Variants in ERCC6L2 observed in about 807,000 individuals in gnomAD.
ERCC6L2 encodes ERCC excision repair 6 like 2.
A neutral mutation model predicts 132.0 loss-of-function variants in ERCC6L2; 77 were observed. The ratio of observed to expected loss-of-function variants is 0.58; its 90% confidence interval spans 0.49 to 0.71. The LOEUF (loss-of-function observed/expected upper bound fraction) is 0.71. Among genes scored for constraint, ERCC6L2 ranks in the 30% least tolerant of loss-of-function variants. The probability of loss-of-function intolerance (pLI) is 0.00; values close to 1 mark genes in which losing one functional copy is unlikely to be tolerated. For missense variants in ERCC6L2, 1,542 were observed against 1,837.6 expected (o/e 0.84, Z 2.94); for synonymous variants, 583 against 632.4 (o/e 0.92, Z 1.17).
At chr9:95,952,431 A>G (rs1189453456) in intron 12 of ERCC6L2, among the ~76,000 whole-genome samples, 1 of 152,200 alleles carries the variant, frequency 6.6e-6, no homozygotes, top group Non-Finnish European at 1.5e-5. Context: ...TGGAATTCAA[A>G]AACAGTTCAA....
chr9:96,002,269 C>T (rs887711863), intron 17 of ERCC6L2, among the ~76,000 whole-genome samples: 9 of 152,210 alleles, frequency 5.9e-5, no homozygotes, highest in Admixed American at 1.3e-4. Flanking sequence ...ACTGCCAGCA[C>T]GCTGTCACCT....
chr9:95,996,526 G>GTT (rs1469666365), intron 17 of ERCC6L2, among the ~76,000 whole-genome samples: 3 of 152,232 alleles, frequency 2.0e-5, no homozygotes, highest in African/African-American at 2.4e-5. Context: ...TAGCTAGAGG[G>GTT]GAGAAGTCAA....
rs1834205954 is a variant in ERCC6L2, at chr9:96,017,454, G to A, written c.*4251G>A. Reference sequence around the variant, plus strand: ...GGCTGTGTGGTTCCCAGCCCCAAGGGTAGCAAGTCAGAACCTCCGGAGAGG... The same window carrying A: ...GGCTGTGTGGTTCCCAGCCCCAAGGATAGCAAGTCAGAACCTCCGGAGAGG... On this transcript the variant is annotated 3_prime_UTR_variant, in exon 19 of 19. Coordinates refer to ENST00000653738, the MANE Select transcript of ERCC6L2 (RefSeq NM_020207.7). Among the ~76,000 whole-genome samples the A allele has an allele frequency of 6.6e-6, 1 of 152,158 alleles. No homozygotes were observed. Among genetic ancestry groups the A allele is most frequent in the Non-Finnish European group, 1.5e-5 (1 of 68,016 alleles).
At chr9:95,987,969 C>A (rs1255835890) in intron 17 of ERCC6L2, among the ~76,000 whole-genome samples, 1 of 152,234 alleles carries the variant, frequency 6.6e-6, no homozygotes, top group Non-Finnish European at 1.5e-5. Context: ...GCTGCCAAGG[C>A]TTGGGGCTTG....
Position 95,989,814 on chromosome 9 carries a change from C to T in ERCC6L2, c.3492+11599C>T, listed in dbSNP as rs73536539. 5.1e-3 allele frequency among the ~76,000 whole-genome samples: 771 copies of T among 152,278 alleles called. 9 individuals carry two copies. The highest frequency in any genetic ancestry group is 0.017 in the African/African-American group (716 of 41,534). ...AGGTGCATACCATTTTATAATAAAGCTGCCAAATGAGAAATCAACATAATA... is the reference window on the plus strand; with the variant it reads ...AGGTGCATACCATTTTATAATAAAGTTGCCAAATGAGAAATCAACATAATA... On this transcript the variant is annotated intron_variant, in intron 17 of 18. Coordinates refer to ENST00000653738, the MANE Select transcript of ERCC6L2 (RefSeq NM_020207.7).
At chr9:96,037,394 G>C (rs1212071156) in intron 19 of ERCC6L2, among the ~76,000 whole-genome samples, 1 of 152,268 alleles carries the variant, frequency 6.6e-6, no homozygotes, top group Non-Finnish European at 1.5e-5. Flanking sequence ...GCCTGAGTCA[G>C]CAGGAAGGAG....
At chr9:95,968,735 G>C (rs1403650042) in intron 14 of ERCC6L2, 4 of 152,038 alleles carry the variant, frequency 2.6e-5, no homozygotes. Context: ...GATAGATATT[G>C]AGAGTTCATT....
intron 20 of ERCC6L2, among the ~76,000 whole-genome samples, chr9:96,039,869 G>A (rs985821247): frequency 1.3e-5 from 2 of 152,106 alleles, no homozygotes; most frequent in African/African-American, 4.8e-5. Context: ...GGCTGGTGCT[G>A]AGTCACTCCA....
intron 3 of ERCC6L2, among the ~76,000 whole-genome samples, chr9:95,900,139 A>C (rs1204503931): frequency 6.6e-6 from 1 of 152,110 alleles, no homozygotes; most frequent in Non-Finnish European, 1.5e-5. Flanking sequence ...TAATCCCAGC[A>C]CTTTGGGAGG....
At chr9:95,975,308 T>C (rs1832618752) in intron 16 of ERCC6L2, among the ~76,000 whole-genome samples, 1 of 152,172 alleles carries the variant, frequency 6.6e-6, no homozygotes, top group Non-Finnish European at 1.5e-5. Flanking sequence ...TCAAGAAGTG[T>C]TCATGAGAAT....
At chr9:95,949,360 A>G (rs572020905) in intron 12 of ERCC6L2, among the ~76,000 whole-genome samples, 9 of 147,892 alleles carry the variant, frequency 6.1e-5, no homozygotes, top group African/African-American at 2.2e-4. Context: ...AAGATCAACC[A>G]AGTCCAGATA....
intron 17 of ERCC6L2, among the ~76,000 whole-genome samples, chr9:95,988,846 C>T (rs1250161964): frequency 6.6e-6 from 1 of 152,188 alleles, no homozygotes; most frequent in African/African-American, 2.4e-5. Flanking sequence ...AACACTCAGT[C>T]CCACAAGACT....
intron 16 of ERCC6L2, among the ~76,000 whole-genome samples, chr9:95,973,833 C>G (rs558022611): frequency 1.6e-4 from 25 of 152,242 alleles, no homozygotes; most frequent in African/African-American, 6.0e-4. Flanking sequence ...CTTTTTTAAT[C>G]TACAGGAATC....
In ERCC6L2 at chr9:95,897,573, A is replaced by G. The variant is rs79543330; in HGVS notation, c.472-276A>G. On this transcript the variant is annotated intron_variant, in intron 2 of 18. Coordinates refer to ENST00000653738, the MANE Select transcript of ERCC6L2 (RefSeq NM_020207.7). ...CATGGTTAGAAACAAATAAGAAGGTAGTGTCTCAAGTGATGGAATTAAGAA... is the reference window on the plus strand; with the variant it reads ...CATGGTTAGAAACAAATAAGAAGGTGGTGTCTCAAGTGATGGAATTAAGAA... 7.6e-3 allele frequency among the ~76,000 whole-genome samples: 1,162 copies of G among 152,304 alleles called. 19 individuals are homozygous for G. The highest frequency in any genetic ancestry group is 0.027 in the African/African-American group (1,111 of 41,582).
intron 17 of ERCC6L2, among the ~76,000 whole-genome samples, chr9:95,991,402 G>A (rs1463794630): frequency 6.6e-6 from 1 of 152,140 alleles, no homozygotes; most frequent in Non-Finnish European, 1.5e-5. Flanking sequence ...TGTTCTGTAT[G>A]GTGAAATGGG....
intron 2 of ERCC6L2, among the ~76,000 whole-genome samples, chr9:95,888,090 G>A (rs539746479): frequency 6.3e-4 from 93 of 147,520 alleles, no homozygotes; most frequent in Non-Finnish European, 8.8e-4. Flanking sequence ...TTTTCAAAGC[G>A]AGCAAAAATA....
intron 1 of ERCC6L2, among the ~76,000 whole-genome samples, chr9:95,877,862 G>A (rs1301826947): frequency 1.3e-5 from 2 of 152,002 alleles, no homozygotes; most frequent in East Asian, 3.8e-4. Flanking sequence ...CTGAATGTCT[G>A]CTGTGTGACT....
intron 13 of ERCC6L2, among the ~76,000 whole-genome samples, chr9:95,959,755 T>TA (rs57649291): frequency 1.0e-4 from 15 of 147,226 alleles, no homozygotes; most frequent in African/African-American, 1.7e-4. Context: ...ATTATGTTCT[T>TA]AAAAAAAAAA....
chr9:95,980,158 A>T (rs948037402), intron 17 of ERCC6L2, among the ~76,000 whole-genome samples: 4 of 152,216 alleles, frequency 2.6e-5, no homozygotes, highest in Non-Finnish European at 5.9e-5. Flanking sequence ...GAGCTCTTTC[A>T]GTCGAAATAT....
Sources: allele counts gnomAD v4.1 joint callset (sites outside exome capture counted in the v4.1 genomes callset), GRCh38; gene constraint gnomAD v4.1.1; transcripts MANE v1.5; gene names NCBI Gene and HGNC (gene_info 2026-07-23, HGNC 2026-07-21).